Variants in ABCB10 observed in about 807,000 individuals in gnomAD.
ABCB10 encodes the protein ATP binding cassette subfamily B member 10, also known as ATP-binding cassette sub-family B member 10, mitochondrial.
ABCB10 carries 54 observed loss-of-function variants against 65.4 expected under a neutral mutation model. That is an observed-to-expected ratio of 0.83 (90% CI 0.66 to 1.04). The LOEUF is 1.04. Ranked by LOEUF, ABCB10 falls within the 50% of genes least tolerant of loss-of-function variation. ABCB10 has a pLI of 0.00. For missense variants in ABCB10, 846 were observed against 976.6 expected (o/e 0.87, Z 1.78); for synonymous variants, 418 against 406.5 (o/e 1.03, Z -0.34).
chr1:229,554,757 C>T (rs1485041290), intron 1 of ABCB10, among the ~76,000 whole-genome samples: 1 of 152,160 alleles, frequency 6.6e-6, no homozygotes, highest in Non-Finnish European at 1.5e-5. Flanking sequence ...GGGGCAGTTC[C>T]GATTTCAAAG....
At chr1:229,520,066 C>G (rs925147527) in intron 11 of ABCB10, among the ~76,000 whole-genome samples, 1 of 136,266 alleles carries the variant, frequency 7.3e-6, no homozygotes, top group African/African-American at 2.9e-5. Context: ...CCCAGGAGGT[C>G]AAGGCTACAA....
At chr1:229,519,864 A>G (rs1296645141) in intron 11 of ABCB10, among the ~76,000 whole-genome samples, 2 of 152,066 alleles carry the variant, frequency 1.3e-5, no homozygotes, top group Non-Finnish European at 2.9e-5. Flanking sequence ...GGTGGCTCAC[A>G]CCTGTAATCC....
intron 11 of ABCB10, among the ~76,000 whole-genome samples, chr1:229,521,240 T>C (rs967827115): frequency 2.6e-5 from 4 of 152,204 alleles, no homozygotes; most frequent in Admixed American, 2.6e-4. Context: ...TAGCAGCTGA[T>C]TACAGATTGT....
chr1:229,518,856 AGGAGAAGAATTTTG>A lies in ABCB10; in HGVS notation c.1956_1969del (p.Lys653ArgfsTer2). On this transcript the variant is annotated frameshift_variant, in exon 12 of 13. Transcript: ENST00000344517. LOFTEE classifies it high-confidence loss of function. ...ATATCCTCACCTGGTTGCTTCATCT[AGGAGAAGAATTTTG>A]GGATTCTGAAGAAGGAAAAAAAAGG... is the stretch of plus-strand genomic sequence containing the variant. The A allele has an allele frequency of 6.2e-7, 1 of 1,600,138 alleles. No homozygotes were observed. Among genetic ancestry groups the A allele is most frequent in the Non-Finnish European group, 8.5e-7 (1 of 1,174,522 alleles).
At chr1:229,534,204 C>A (rs1312255422) in intron 6 of ABCB10, among the ~76,000 whole-genome samples, 13 of 152,214 alleles carry the variant, frequency 8.5e-5, no homozygotes, top group Middle Eastern at 6.8e-3. Flanking sequence ...CAGGGAAATG[C>A]CAACTAAAAC....
intron 10 of ABCB10, among the ~76,000 whole-genome samples, chr1:229,522,025 C>T (rs577876258): frequency 6.6e-6 from 1 of 151,752 alleles, no homozygotes; most frequent in African/African-American, 2.4e-5. Context: ...CACCAACACA[C>T]CTGGCTAATT....
At position 229,516,946 on chromosome 1, in the gene ABCB10, T is replaced by C. The variant is rs1662190470; in HGVS notation, c.*1233A>G. On this transcript the variant is annotated 3_prime_UTR_variant, in exon 13 of 13. Transcript: ENST00000344517. The stretch of plus-strand genomic sequence containing the variant: ...TCTTCCAGTCTAATCAGGGAACTAA[T>C]AAATGCTTAGTTCATGGGAAAACTT... The C allele has an allele frequency of 6.6e-6, 1 of 152,224 alleles. No individual in the cohort carries two copies. Among genetic ancestry groups the C allele is most frequent in the Non-Finnish European group, 1.5e-5 (1 of 68,020 alleles). 9.4% of individuals were successfully genotyped at this position (152,224 alleles called of 1,614,324 possible). A position where few individuals can be genotyped will look rare whatever the true frequency, so the allele number is the denominator to read the frequency against.
intron 5 of ABCB10, 146 bp from the exon 6 acceptor site, chr1:229,539,737 TA>T: frequency 1.0e-6 from 1 of 952,978 alleles, no homozygotes; most frequent in Non-Finnish European, 1.5e-6. Context: ...AGTTTCAAAT[TA>T]AAAATGGTTT....
At chr1:229,535,038 T>TAAAAAAAAAAAAA (rs71173739) in intron 6 of ABCB10, 5 of 47,502 alleles carry the variant, frequency 1.1e-4, no homozygotes, top group Non-Finnish European at 1.1e-4. Flanking sequence ...AGACTCCCTT[T>TAAAAAAAAAAAAA]AAAAAAAAAA....
chr1:229,549,726 T>C (rs1663061581), intron 1 of ABCB10, among the ~76,000 whole-genome samples: 1 of 152,052 alleles, frequency 6.6e-6, no homozygotes. Context: ...GAGCCAACTA[T>C]GGAACCGTTC....
chr1:229,540,166 T>G (rs989528518), intron 5 of ABCB10, among the ~76,000 whole-genome samples: 2 of 152,264 alleles, frequency 1.3e-5, no homozygotes, highest in Non-Finnish European at 2.9e-5. Context: ...CCTATTTGAG[T>G]GCATTGTGAT....
At chr1:229,535,877 C>A (rs1034277914) in intron 6 of ABCB10, among the ~76,000 whole-genome samples, 1 of 152,126 alleles carries the variant, frequency 6.6e-6, no homozygotes, top group African/African-American at 2.4e-5. Flanking sequence ...GGGCATGAAC[C>A]AGCACACCCA....
intron 10 of ABCB10, among the ~76,000 whole-genome samples, chr1:229,524,453 A>C (rs1373817188): frequency 6.6e-6 from 1 of 152,050 alleles, no homozygotes; most frequent in African/African-American, 2.4e-5. Flanking sequence ...ATGAGCCACC[A>C]TGCCCGGCCA....
rs145816597 is a variant in ABCB10, at chr1:229,551,521, G to A, written c.518-2087C>T. Among the ~76,000 whole-genome samples the A allele has an allele frequency of 2.0e-3, 306 of 152,290 alleles. 1 individual carries two copies. Among genetic ancestry groups the A allele is most frequent in the Non-Finnish European group, 2.6e-3 (179 of 68,040 alleles). The stretch of plus-strand genomic sequence containing the variant: ...GAACTTTGGCAATGGAAGCAATAAC[G>A]TCTATCAGATCAAAATTCTTCAATA... On this transcript the variant is annotated intron_variant, in intron 1 of 12. Coordinates refer to ENST00000344517, the MANE Select transcript of ABCB10 (RefSeq NM_012089.3).
chr1:229,523,790 C>T lies in ABCB10; in HGVS notation c.1906+2146G>A, dbSNP rs74837459. Among the ~76,000 whole-genome samples, 1,414 of 152,250 alleles carry T rather than the reference C, an allele frequency of 9.3e-3. 11 individuals carry two copies. Among genetic ancestry groups the T allele is most frequent in the Middle Eastern group, 0.024 (7 of 294 alleles). ...GCAGAATCTGTGTCAAGGGAGGTGACGTGCTCTTAGGACAAGCCTCACACT... is the reference window on the plus strand; with the variant it reads ...GCAGAATCTGTGTCAAGGGAGGTGATGTGCTCTTAGGACAAGCCTCACACT... On this transcript the variant is annotated intron_variant, in intron 10 of 12. Coordinates refer to ENST00000344517, the MANE Select transcript of ABCB10 (RefSeq NM_012089.3).
At position 229,521,601 on chromosome 1, in the gene ABCB10, A is replaced by C; in HGVS notation, c.1941T>G (p.Ala647=). Residue 647 remains alanine (A), a synonymous_variant, in exon 11 of 13, where the codon GCT becomes GCG. Transcript: ENST00000344517. ...GTCGCTTCAGGCTTACCTTTAGCAG[A>C]GCACGGGCAATCGCAATCCGCTGTT... ...GQKQRIAIAR[A]LLKNPKILLL... is the part of the protein sequence containing the mutation. 6.2e-7 allele frequency: 1 copy of C among 1,612,012 alleles called. No homozygotes were observed. The highest frequency in any genetic ancestry group is 1.1e-5 in the South Asian group (1 of 90,852).
At chr1:229,537,888 T>A (rs1662757356) in intron 6 of ABCB10, among the ~76,000 whole-genome samples, 1 of 152,244 alleles carries the variant, frequency 6.6e-6, no homozygotes, top group Non-Finnish European at 1.5e-5. Flanking sequence ...AATTCTCACC[T>A]GCTAATTCAA....
Position 229,558,479 on chromosome 1 carries a change from C to G in ABCB10, c.174G>C (p.Leu58=). ...GGCGCGCGGCTCCAACGCCCCAGAG[C>G]AGCGCGGGCCCCGCGCCCCATAGCC... ...PARLWGAGPA[L]LWGVGAARRW... Residue 58 remains leucine (L), a synonymous_variant, in exon 1 of 13, where the codon CTG becomes CTC. Transcript: ENST00000344517. 7.8e-7 allele frequency: 1 copy of G among 1,282,832 alleles called. No individual in the cohort carries two copies. Among genetic ancestry groups the G allele is most frequent in the South Asian group, 2.2e-5 (1 of 45,568 alleles). The allele number at this position is 1,282,832 out of a possible 1,614,324, so 79.5% of individuals were successfully genotyped here.
chr1:229,532,203 C>T (rs560892219), intron 6 of ABCB10, among the ~76,000 whole-genome samples: 5 of 152,262 alleles, frequency 3.3e-5, no homozygotes, highest in Non-Finnish European at 7.4e-5. Context: ...CCACCCGCCT[C>T]AGCCTCCCAA....
Sources: allele counts gnomAD v4.1 joint callset (sites outside exome capture counted in the v4.1 genomes callset), GRCh38; gene constraint gnomAD v4.1.1; transcripts MANE v1.5; gene names NCBI Gene and HGNC (gene_info 2026-07-23, HGNC 2026-07-21).